The following FBN2 variants were observed in gnomAD, a reference collection of about 807,000 sequenced individuals.
The protein encoded by FBN2 is fibrillin 2.
In FBN2, 105 loss-of-function variants were observed where a neutral mutation model predicts 355.6. That is an observed-to-expected ratio of 0.30 (90% CI 0.25 to 0.35). FBN2 has a LOEUF of 0.35. FBN2 is among the 10% of genes least tolerant of loss of function. The probability of loss-of-function intolerance (pLI) is 1.00; values close to 1 mark genes in which losing one functional copy is unlikely to be tolerated. For missense variants in FBN2, 3,280 were observed against 3,758.7 expected (o/e 0.87, Z 3.33); for synonymous variants, 1,350 against 1,301.2 (o/e 1.04, Z -0.81).
chr5:128,458,387 C>A (rs1463763084), intron 6 of FBN2, among the ~76,000 whole-genome samples: 1 of 151,632 alleles, frequency 6.6e-6, no homozygotes, highest in Non-Finnish European at 1.5e-5. Flanking sequence ...ACTGTCAGTA[C>A]TAGACGGATA....
chr5:128,298,459 C>A (rs1749593557), intron 48 of FBN2, among the ~76,000 whole-genome samples: 1 of 152,156 alleles, frequency 6.6e-6, no homozygotes, highest in African/African-American at 2.4e-5. Flanking sequence ...TTCTCCCCGT[C>A]ACTTTCAGGT....
intron 11 of FBN2, among the ~76,000 whole-genome samples, chr5:128,379,881 G>C (rs1340888274): frequency 6.6e-6 from 1 of 151,992 alleles, no homozygotes; most frequent in Non-Finnish European, 1.5e-5. Flanking sequence ...AGCTAAATTG[G>C]AGAACATAAC....
At chr5:128,473,826 C>T (rs1027703339) in intron 5 of FBN2, among the ~76,000 whole-genome samples, 1 of 152,204 alleles carries the variant, frequency 6.6e-6, no homozygotes, top group Non-Finnish European at 1.5e-5. Context: ...TTGAGAGAAA[C>T]ATTAAAGACT....
At chr5:128,458,889 T>A (rs1163303029) in intron 6 of FBN2, among the ~76,000 whole-genome samples, 1 of 150,308 alleles carries the variant, frequency 6.7e-6, no homozygotes. Context: ...ATTAAAAGAG[T>A]TAGAGAGGCA....
chr5:128,518,565 C>G (rs1016093694), intron 5 of FBN2, among the ~76,000 whole-genome samples: 16 of 152,132 alleles, frequency 1.1e-4, no homozygotes, highest in Non-Finnish European at 1.9e-4. Flanking sequence ...ACCACCACCC[C>G]CCACTTTGCC....
intron 20 of FBN2, among the ~76,000 whole-genome samples, chr5:128,354,707 C>T (rs1751456932): frequency 6.6e-6 from 1 of 152,154 alleles, no homozygotes; most frequent in Non-Finnish European, 1.5e-5. Flanking sequence ...AAAAAGACAT[C>T]AAGGATGCTG....
chr5:128,312,544 A>C, intron 37 of FBN2, 90 bp downstream of exon 37: 2 of 1,459,706 alleles, frequency 1.4e-6, no homozygotes, highest in Non-Finnish European at 1.9e-6. Context: ...GTCCTCACTA[A>C]ACACTCCTCA....
chr5:128,260,987 T>C (rs1397874298), intron 64 of FBN2, among the ~76,000 whole-genome samples: 1 of 152,240 alleles, frequency 6.6e-6, no homozygotes, highest in African/African-American at 2.4e-5. Flanking sequence ...ATGTGATATA[T>C]ATGTCAGGCA....
intron 6 of FBN2, among the ~76,000 whole-genome samples, chr5:128,455,872 A>C (rs1754369349): frequency 6.6e-6 from 1 of 151,908 alleles, no homozygotes; most frequent in African/African-American, 2.4e-5. Context: ...AGATTATTAC[A>C]GCCTCTGAGC....
chr5:128,431,047 A>G (rs1295189548), intron 7 of FBN2, among the ~76,000 whole-genome samples: 4 of 152,310 alleles, frequency 2.6e-5, no homozygotes, highest in Admixed American at 2.0e-4. Flanking sequence ...TTCTAATTTC[A>G]GGAATGCCCA....
At chr5:128,274,534 T>C (rs1248638053) in intron 60 of FBN2, 33 bp downstream of exon 60, 2 of 1,168,906 alleles carry the variant, frequency 1.7e-6, no homozygotes, top group East Asian at 2.3e-5. Context: ...TACTAGAAGT[T>C]TGTAAAATTT....
intron 11 of FBN2, among the ~76,000 whole-genome samples, chr5:128,379,296 T>C (rs1752167846): frequency 6.6e-6 from 1 of 152,100 alleles, no homozygotes; most frequent in Non-Finnish European, 1.5e-5. Context: ...GATATATATT[T>C]ATGTTACATG....
chr5:128,396,767 A>G (rs1752660758), intron 8 of FBN2, among the ~76,000 whole-genome samples: 1 of 152,240 alleles, frequency 6.6e-6, no homozygotes. Flanking sequence ...CTTCATTAAC[A>G]ACATATTATT....
chr5:128,496,851 A>C (rs182498579), intron 5 of FBN2, among the ~76,000 whole-genome samples: 28 of 152,082 alleles, frequency 1.8e-4, no homozygotes, highest in Non-Finnish European at 2.5e-4. Flanking sequence ...CAAGTTCTGC[A>C]AGATTGCAAG....
chr5:128,501,938 G>C (rs1221616036), intron 5 of FBN2, among the ~76,000 whole-genome samples: 1 of 152,096 alleles, frequency 6.6e-6, no homozygotes, highest in African/African-American at 2.4e-5. Flanking sequence ...AGACACAACA[G>C]AACATTTCTC....
intron 8 of FBN2, among the ~76,000 whole-genome samples, chr5:128,403,634 A>G (rs1752855075): frequency 6.6e-6 from 1 of 151,836 alleles, no homozygotes; most frequent in African/African-American, 2.4e-5. Context: ...TTCCAAAATG[A>G]CTTAAGGCTT....
At position 128,464,716 on chromosome 5, in the gene FBN2, T is replaced by C; in HGVS notation, c.826+8A>G. 6.2e-7 allele frequency: 1 copy of C among 1,612,200 alleles called. No individual in the cohort carries two copies. The highest frequency in any genetic ancestry group is 2.2e-5 in the East Asian group (1 of 44,798). On this transcript the variant is annotated splice_region_variant and intron_variant, in intron 6 of 64. Transcript: ENST00000262464. ...GCGATGGTGTGCACAGGCAGACAGC[T>C]GACTCACCTTGGCAAGCTCCAGTGC...
At chr5:128,334,236 G>A (rs1167087104) in intron 31 of FBN2, among the ~76,000 whole-genome samples, 1 of 152,120 alleles carries the variant, frequency 6.6e-6, no homozygotes, top group Non-Finnish European at 1.5e-5. Context: ...AAAGCAAACA[G>A]AAGAGCAAAC....
intron 34 of FBN2, among the ~76,000 whole-genome samples, chr5:128,324,677 G>T (rs1434380029): frequency 2.0e-5 from 3 of 151,424 alleles, no homozygotes; most frequent in Non-Finnish European, 4.4e-5. Context: ...GAGTGCAGTG[G>T]CGTGATCTCG....
Sources: allele counts gnomAD v4.1 joint callset (sites outside exome capture counted in the v4.1 genomes callset), GRCh38; gene constraint gnomAD v4.1.1; transcripts MANE v1.5; gene names NCBI Gene and HGNC (gene_info 2026-07-23, HGNC 2026-07-21).